The following ZMAT4 variants were observed in gnomAD, a reference collection of about 807,000 sequenced individuals.
ZMAT4 encodes zinc finger matrin-type 4.
A neutral mutation model predicts 28.7 loss-of-function variants in ZMAT4; 17 were observed. The ratio of observed to expected loss-of-function variants is 0.59; its 90% confidence interval spans 0.41 to 0.89. The LOEUF (loss-of-function observed/expected upper bound fraction) is 0.89. Ranked by LOEUF, ZMAT4 falls within the 40% of genes least tolerant of loss-of-function variation. The pLI, the probability that ZMAT4 is intolerant of heterozygous loss-of-function variation, is 0.00. For missense variants in ZMAT4, 240 were observed against 283.8 expected, an observed-to-expected ratio of 0.85 and a Z score of 1.11; for synonymous variants, 117 against 109.2, an observed-to-expected ratio of 1.07 and a Z score of -0.44.
chr8:40,626,975 A>G (rs558725628), intron 5 of ZMAT4, among the ~76,000 whole-genome samples: 3 of 152,326 alleles, frequency 2.0e-5, no homozygotes, highest in Non-Finnish European at 4.4e-5. Flanking sequence ...AGCTTCTCCT[A>G]ATAACCCTGC....
chr8:40,734,997 C>T (rs1811701452), intron 3 of ZMAT4, among the ~76,000 whole-genome samples: 1 of 152,192 alleles, frequency 6.6e-6, no homozygotes, highest in Non-Finnish European at 1.5e-5. Context: ...TGTGGGAACG[C>T]CTATGTCTAG....
chr8:40,799,822 A>G (rs1373398820), intron 2 of ZMAT4, among the ~76,000 whole-genome samples: 2 of 152,226 alleles, frequency 1.3e-5, no homozygotes, highest in Non-Finnish European at 2.9e-5. Context: ...TTTTGATATT[A>G]TGAGATACAC....
chr8:40,687,093 G>A (rs755167338), intron 4 of ZMAT4, among the ~76,000 whole-genome samples: 14 of 152,184 alleles, frequency 9.2e-5, no homozygotes, highest in Non-Finnish European at 1.9e-4. Context: ...AGCTATCTAC[G>A]ATGTTTTACA....
At chr8:40,765,611 G>A (rs766113414) in intron 3 of ZMAT4, among the ~76,000 whole-genome samples, 3 of 152,176 alleles carry the variant, frequency 2.0e-5, no homozygotes, top group Non-Finnish European at 4.4e-5. Flanking sequence ...GCAAACAGAT[G>A]CTTCTTGCTC....
intron 1 of ZMAT4, among the ~76,000 whole-genome samples, chr8:40,875,061 T>G (rs2150657927): frequency 6.6e-6 from 1 of 152,314 alleles, no homozygotes; most frequent in Non-Finnish European, 1.5e-5. Context: ...ACCCAGGAAC[T>G]GTCCAATATA....
intron 4 of ZMAT4, among the ~76,000 whole-genome samples, chr8:40,688,148 C>T (rs1458734621): frequency 6.6e-6 from 1 of 152,120 alleles, no homozygotes; most frequent in East Asian, 1.9e-4. Flanking sequence ...AACACCACCA[C>T]CACAACAAAT....
chr8:40,620,365 CG>C (rs1429867405), intron 5 of ZMAT4, among the ~76,000 whole-genome samples: 1 of 152,204 alleles, frequency 6.6e-6, no homozygotes, highest in African/African-American at 2.4e-5. Flanking sequence ...CCCCAAAGCG[CG>C]GCAGGGCTAG....
At chr8:40,756,426 TTATATATATATATA>T (rs72008675) in intron 3 of ZMAT4, among the ~76,000 whole-genome samples, 4 of 73,284 alleles carry the variant, frequency 5.5e-5, no homozygotes, top group African/African-American at 2.4e-4. Context: ...AAATGTTCTT[TTATATATATATATA>T]TATATATATA....
intron 5 of ZMAT4, among the ~76,000 whole-genome samples, chr8:40,628,152 A>G (rs954752139): frequency 3.3e-5 from 5 of 152,178 alleles, no homozygotes; most frequent in African/African-American, 1.2e-4. Flanking sequence ...CCTCACAGTT[A>G]AAGTCTGCCT....
chr8:40,742,960 C>T (rs1232448559), intron 3 of ZMAT4, among the ~76,000 whole-genome samples: 1 of 152,070 alleles, frequency 6.6e-6, no homozygotes, highest in Non-Finnish European at 1.5e-5. Flanking sequence ...GCCTGTAATC[C>T]TAGCACTTTG....
chr8:40,622,565 T>C (rs1448051145), intron 5 of ZMAT4, among the ~76,000 whole-genome samples: 2 of 152,246 alleles, frequency 1.3e-5, no homozygotes, highest in Non-Finnish European at 2.9e-5. Flanking sequence ...TTGTTTGCAC[T>C]GCTATCAAGG....
intron 3 of ZMAT4, among the ~76,000 whole-genome samples, chr8:40,724,199 A>T (rs1811227234): frequency 6.6e-6 from 1 of 152,168 alleles, no homozygotes; most frequent in Admixed American, 6.5e-5. Flanking sequence ...CCACAAGAAA[A>T]GGGGTAGGTA....
intron 5 of ZMAT4, among the ~76,000 whole-genome samples, chr8:40,630,311 T>G (rs1311757309): frequency 1.3e-5 from 2 of 152,192 alleles, no homozygotes; most frequent in Non-Finnish European, 2.9e-5. Flanking sequence ...ATAACTCACC[T>G]TCATTGGAAA....
intron 3 of ZMAT4, among the ~76,000 whole-genome samples, chr8:40,725,072 G>A (rs539692399): frequency 5.9e-5 from 9 of 152,128 alleles, no homozygotes; most frequent in Non-Finnish European, 1.0e-4. Flanking sequence ...GCTATGGAAC[G>A]CCTGCCTACT....
chr8:40,850,582 G>C (rs987199171), intron 1 of ZMAT4, among the ~76,000 whole-genome samples: 1 of 152,114 alleles, frequency 6.6e-6, no homozygotes, highest in Non-Finnish European at 1.5e-5. Flanking sequence ...CCACTGACAG[G>C]CACACAATAG....
intron 5 of ZMAT4, among the ~76,000 whole-genome samples, chr8:40,653,555 A>G (rs1807782057): frequency 1.3e-5 from 2 of 152,152 alleles, no homozygotes; most frequent in African/African-American, 4.8e-5. Context: ...ACTAAACTAA[A>G]AAATGAAAGA....
chr8:40,569,854 GAA>G (rs1804036812), intron 6 of ZMAT4, among the ~76,000 whole-genome samples: 1 of 152,100 alleles, frequency 6.6e-6, no homozygotes, highest in South Asian at 2.1e-4. Flanking sequence ...AAGCACTGGA[GAA>G]AAAAGATTTT....
In ZMAT4 at chr8:40,896,360, A is replaced by G. The variant is rs148415121; in HGVS notation, c.-5+1323T>C. ...ACTCCCCAGCTGCGGGTTTAACGGA[A>G]ATCAGAGGGATGAAAATCATCTAAA... On this transcript the variant is annotated intron_variant, in intron 1 of 6. Coordinates refer to ENST00000297737, the MANE Select transcript of ZMAT4 (RefSeq NM_024645.3). 3.5e-4 allele frequency among the ~76,000 whole-genome samples: 54 copies of G among 152,248 alleles called. No homozygotes were observed. The South Asian group carries it at 7.7e-3, about 22-fold the overall frequency.
rs1459346871 is a variant in ZMAT4, at chr8:40,767,726, C to T, written c.107G>A (p.Arg36Gln). 5.6e-6 allele frequency: 9 copies of T among 1,611,480 alleles called. No homozygotes were observed. The highest frequency in any genetic ancestry group is 7.6e-6 in the Non-Finnish European group (9 of 1,179,166). ...ESQRVAHYES[R>Q]KHASKVRLYY... Reference sequence around the variant, plus strand: ...CAGTCGGACTTTGCTTGCATGTTTTCGACTCTGGGAAGGAAAAGCATAAGC... The same window carrying T: ...CAGTCGGACTTTGCTTGCATGTTTTTGACTCTGGGAAGGAAAAGCATAAGC... Residue 36 changes from arginine (R) to glutamine (Q), a missense_variant, in exon 3 of 7, where the codon CGA becomes CAA. By Grantham distance (43) the Arg-to-Gln change is conservative. Transcript: ENST00000297737.
Sources: allele counts gnomAD v4.1 joint callset (sites outside exome capture counted in the v4.1 genomes callset), GRCh38; gene constraint gnomAD v4.1.1; transcripts MANE v1.5; gene names NCBI Gene and HGNC (gene_info 2026-07-23, HGNC 2026-07-21).